Variants in RELN observed in about 807,000 individuals in gnomAD.
RELN encodes the protein reelin.
RELN carries 108 observed loss-of-function variants against 427.6 expected under a neutral mutation model. The ratio of observed to expected loss-of-function variants is 0.25; its 90% CI spans 0.22 to 0.30. RELN has a LOEUF of 0.30. RELN is among the 10% of genes least tolerant of loss of function. The pLI is 1.00. For missense variants in RELN, 3,715 were observed against 4,302.8 expected, an observed-to-expected ratio of 0.86 and a Z score of 3.82; for synonymous variants, 1,524 against 1,513.4, an observed-to-expected ratio of 1.01 and a Z score of -0.16.
intron 33 of RELN, among the ~76,000 whole-genome samples, 183 bp from the exon 34 acceptor site, chr7:103,565,734 T>C (rs1363365226): frequency 6.6e-6 from 1 of 152,176 alleles, no homozygotes; most frequent in African/African-American, 2.4e-5. Flanking sequence ...GATTTAGAAA[T>C]ATAGAAGGCT....
At chr7:103,792,529 G>A (rs1472648165) in intron 3 of RELN, among the ~76,000 whole-genome samples, 2 of 76,218 alleles carry the variant, frequency 2.6e-5, no homozygotes, top group Admixed American at 1.9e-4. Context: ...ATTCTATAGC[G>A]ACAGAACATA....
At chr7:103,772,251 T>G (rs1791587042) in intron 4 of RELN, among the ~76,000 whole-genome samples, 1 of 152,176 alleles carries the variant, frequency 6.6e-6, no homozygotes, top group Non-Finnish European at 1.5e-5. Flanking sequence ...GGAGCATATA[T>G]CTCATGGCAG....
Position 103,523,524 on chromosome 7 carries a change from C to CT in RELN, c.7356dup (p.Ala2453SerfsTer13). The stretch of plus-strand genomic sequence containing the variant: ...GGTTGATGCCAACGGAAACGAGTGG[C>CT]TTGGGACCTTTGAAGAAGATGAGAA... On this transcript the variant is annotated frameshift_variant, in exon 47 of 65. Coordinates refer to ENST00000428762, the MANE Select transcript of RELN (RefSeq NM_005045.4). LOFTEE classifies it high-confidence loss of function. The CT allele has an allele frequency of 6.2e-7, 1 of 1,613,962 alleles. No individual in the cohort carries two copies.
chr7:103,877,841 T>C (rs1461627770), intron 2 of RELN, among the ~76,000 whole-genome samples: 1 of 147,754 alleles, frequency 6.8e-6, no homozygotes, highest in Non-Finnish European at 1.5e-5. Context: ...TTCTTCCTTT[T>C]CTCTGTCTCT....
At chr7:103,580,882 G>A (rs191734501) in intron 28 of RELN, among the ~76,000 whole-genome samples, 4 of 152,270 alleles carry the variant, frequency 2.6e-5, no homozygotes, top group African/African-American at 9.6e-5. Flanking sequence ...GCAATGATGT[G>A]CCACTTGATG....
chr7:103,771,994 T>C (rs1791580832), intron 4 of RELN, among the ~76,000 whole-genome samples: 1 of 152,172 alleles, frequency 6.6e-6, no homozygotes, highest in Non-Finnish European at 1.5e-5. Context: ...TCCCACCGCC[T>C]GCAGAATGCG....
At chr7:103,598,658 T>C (rs1831595079) in intron 24 of RELN, among the ~76,000 whole-genome samples, 1 of 152,244 alleles carries the variant, frequency 6.6e-6, no homozygotes, top group South Asian at 2.1e-4. Flanking sequence ...AAAGAATGTT[T>C]TGTGAGATTT....
At chr7:103,488,311 A>AT (rs1172710827) in intron 60 of RELN, among the ~76,000 whole-genome samples, 8 of 152,114 alleles carry the variant, frequency 5.3e-5, no homozygotes, top group Non-Finnish European at 1.2e-4. Flanking sequence ...TAAACAGTAC[A>AT]TTTTTTCTAC....
At chr7:103,982,422 AATG>A (rs1313703598) in intron 1 of RELN, among the ~76,000 whole-genome samples, 8 of 152,190 alleles carry the variant, frequency 5.3e-5, no homozygotes, top group Non-Finnish European at 2.9e-5. Context: ...GTTGATAATA[AATG>A]TACTGATTTG....
chr7:103,940,312 T>A lies in RELN; in HGVS notation c.227-23127A>T, dbSNP rs191754995. On this transcript the variant is annotated intron_variant, in intron 1 of 64. Transcript: ENST00000428762. ...GGGTTACTGTGATTCAGGAATTAAATAAAACGATTTATATGAATTTTTCTA... is the reference window on the plus strand; with the variant it reads ...GGGTTACTGTGATTCAGGAATTAAAAAAAACGATTTATATGAATTTTTCTA... Among the ~76,000 whole-genome samples, 345 of 152,296 alleles carry A rather than the reference T, an allele frequency of 2.3e-3. 3 individuals carry two copies. Among genetic ancestry groups the A allele is most frequent in the African/African-American group, 8.0e-3 (333 of 41,556 alleles).
intron 20 of RELN, among the ~76,000 whole-genome samples, chr7:103,613,278 G>GA (rs1832004045): frequency 6.6e-6 from 1 of 152,134 alleles, no homozygotes; most frequent in South Asian, 2.1e-4. Context: ...GATTGGGAGA[G>GA]AAAAAACACT....
intron 24 of RELN, among the ~76,000 whole-genome samples, chr7:103,600,514 G>C (rs1227808446): frequency 6.6e-6 from 1 of 152,022 alleles, no homozygotes; most frequent in Non-Finnish European, 1.5e-5. Flanking sequence ...TTTCAAATCG[G>C]GTCTACTCTC....
At chr7:103,676,171 T>A (rs112103297) in intron 11 of RELN, among the ~76,000 whole-genome samples, 8,199 of 151,826 alleles carry the variant, frequency 0.054, 742 homozygotes, top group African/African-American at 0.19. Flanking sequence ...GAATCTACAA[T>A]GAACTCAAAC....
At chr7:103,503,811 C>T (rs1359850418) in intron 51 of RELN, among the ~76,000 whole-genome samples, 3 of 150,108 alleles carry the variant, frequency 2.0e-5, no homozygotes, top group Non-Finnish European at 4.4e-5. Flanking sequence ...TAAATATTAG[C>T]CAAAATTGAT....
rs540360390 is a variant in RELN at position 103,789,597 on chromosome 7, G to A, written c.474-12970C>T. 3.3e-3 allele frequency among the ~76,000 whole-genome samples: 502 copies of A among 152,212 alleles called. 7 individuals carry two copies. The highest frequency in any genetic ancestry group is 0.011 in the African/African-American group (477 of 41,520). On this transcript the variant is annotated intron_variant, in intron 3 of 64. Coordinates refer to ENST00000428762, the MANE Select transcript of RELN (RefSeq NM_005045.4). ...ATATGAAAAAAAGCTCATCATCACT[G>A]GTCATTAGAGAAATGCAAATCAAAA...
intron 4 of RELN, among the ~76,000 whole-genome samples, chr7:103,769,358 C>A (rs182156918): frequency 6.6e-5 from 10 of 152,124 alleles, no homozygotes; most frequent in African/African-American, 1.7e-4. Context: ...CCTTCCACCA[C>A]GTGAGGATAC....
intron 3 of RELN, among the ~76,000 whole-genome samples, chr7:103,815,781 T>A (rs1264308716): frequency 1.3e-5 from 2 of 152,200 alleles, no homozygotes; most frequent in Non-Finnish European, 2.9e-5. Flanking sequence ...AATGCAGCAT[T>A]TCTTATAGAC....
rs114542441 is a variant in RELN, at chr7:103,704,650, C to T, written c.806-3644G>A. Among the ~76,000 whole-genome samples the T allele has an allele frequency of 1.8e-3, 272 of 151,994 alleles. 2 individuals are homozygous for T. Among genetic ancestry groups the T allele is most frequent in the African/African-American group, 6.2e-3 (256 of 41,474 alleles). Reference sequence around the variant, plus strand: ...TGGATAATGTCTATTATCTTACAAACATCTACCAATGCACAACTCATCTCC... The same window carrying T: ...TGGATAATGTCTATTATCTTACAAATATCTACCAATGCACAACTCATCTCC... On this transcript the variant is annotated intron_variant, in intron 8 of 64. Transcript: ENST00000428762.
chr7:103,837,677 ACTGCCCACTCG>A lies in RELN; in HGVS notation c.338-4016_338-4006del, dbSNP rs991433274. ...TTCCCTCACTGCCCCTCCCTCTCTC[ACTGCCCACTCG>A]CTGCCCACTCACTGCCCCTGCCCCA... is the stretch of plus-strand genomic sequence containing the variant. On this transcript the variant is annotated intron_variant, in intron 2 of 64. Transcript: ENST00000428762. Among the ~76,000 whole-genome samples the A allele has an allele frequency of 1.8e-4, 28 of 152,074 alleles. 1 individual carries two copies. Among genetic ancestry groups the A allele is most frequent in the African/African-American group, 5.8e-4 (24 of 41,504 alleles).
Sources: gnomAD v4.1 joint callset for allele counts (sites outside exome capture counted in the v4.1 genomes callset) on GRCh38, gnomAD v4.1.1 for gene constraint, MANE v1.5 for transcripts, NCBI Gene and HGNC (gene_info 2026-07-23, HGNC 2026-07-21) for gene names.